The following GRIN2B variants were observed in gnomAD, a reference collection of about 807,000 sequenced individuals.
GRIN2B encodes glutamate ionotropic receptor NMDA type subunit 2B.
Under a neutral mutation model 114.5 loss-of-function variants are expected in GRIN2B, and 5 were observed. The ratio of observed to expected loss-of-function variants is 0.04; its 90% CI spans 0.02 to 0.09. The LOEUF is 0.09. GRIN2B is among the 10% of genes least tolerant of loss of function. GRIN2B has a pLI of 1.00. For missense variants in GRIN2B, 1,108 were observed against 1,943.5 expected (o/e 0.57, Z 8.08); for synonymous variants, 787 against 745.1 (o/e 1.06, Z -0.92).
At chr12:13,674,449 T>G (rs1384763746) in intron 5 of GRIN2B, among the ~76,000 whole-genome samples, 1 of 151,986 alleles carries the variant, frequency 6.6e-6, no homozygotes, top group Admixed American at 6.6e-5. Flanking sequence ...TAGATTGAGG[T>G]CTTTCAACTT....
intron 3 of GRIN2B, among the ~76,000 whole-genome samples, chr12:13,841,958 C>A (rs891339463): frequency 2.0e-5 from 3 of 152,084 alleles, no homozygotes; most frequent in Non-Finnish European, 4.4e-5. Flanking sequence ...GCCACCACTG[C>A]CACTATCATT....
intron 3 of GRIN2B, among the ~76,000 whole-genome samples, chr12:13,816,060 A>C (rs535544443): frequency 1.3e-5 from 2 of 152,302 alleles, no homozygotes; most frequent in East Asian, 3.9e-4. Flanking sequence ...GCAGAGTGAA[A>C]AAGAATTTAC....
At chr12:13,624,292 GTCAC>G (rs778290966) in intron 5 of GRIN2B, among the ~76,000 whole-genome samples, 196 of 152,190 alleles carry the variant, frequency 1.3e-3, no homozygotes, top group Non-Finnish European at 2.2e-3. Context: ...ATTGACTGAT[GTCAC>G]TGCACACCCT....
In GRIN2B at chr12:13,606,633, C is replaced by A. The variant is rs924338898; in HGVS notation, c.2010+1970G>T. Among the ~76,000 whole-genome samples the A allele has an allele frequency of 2.0e-4, 30 of 152,154 alleles. 1 individual carries two copies. The highest frequency in any genetic ancestry group is 1.3e-4 in the Admixed American group (2 of 15,284). ...TGGTCCACCTTACCCTAAGCCACAA[C>A]CAAGTATTGAGCTCTGAGGTTGTTC... On this transcript the variant is annotated intron_variant, in intron 10 of 13. Transcript: ENST00000609686.
intron 12 of GRIN2B, among the ~76,000 whole-genome samples, chr12:13,569,015 C>A (rs1591610290): frequency 1.3e-5 from 2 of 152,302 alleles, no homozygotes; most frequent in East Asian, 3.9e-4. Flanking sequence ...TCCGCCCTAC[C>A]TCTGGGCACA....
At chr12:13,895,754 T>C (rs145894484) in intron 2 of GRIN2B, among the ~76,000 whole-genome samples, 2 of 152,328 alleles carry the variant, frequency 1.3e-5, no homozygotes, top group Admixed American at 1.3e-4. Flanking sequence ...TTAAGCTTAT[T>C]ATCTAGGACT....
rs561799748 is a variant in GRIN2B, at chr12:13,796,047, G to A, written c.412-42132C>T. On this transcript the variant is annotated intron_variant, in intron 3 of 13. Coordinates refer to ENST00000609686, the MANE Select transcript of GRIN2B (RefSeq NM_000834.5). ...ATATACATATGTAACAAACCTGCAC[G>A]TTGTACACATGTACCCTAGAACTTA... Among the ~76,000 whole-genome samples, 255 of 145,570 alleles carry A rather than the reference G, an allele frequency of 1.8e-3. 1 individual carries two copies. The highest frequency in any genetic ancestry group is 6.2e-3 in the African/African-American group (243 of 39,158).
At chr12:13,712,295 A>G (rs1158079618) in intron 4 of GRIN2B, among the ~76,000 whole-genome samples, 11 of 151,974 alleles carry the variant, frequency 7.2e-5, no homozygotes, top group Non-Finnish European at 1.2e-4. Context: ...TGAGTTAATG[A>G]GTGCGGCACA....
At chr12:13,881,436 A>G (rs1866071810) in intron 2 of GRIN2B, among the ~76,000 whole-genome samples, 1 of 152,070 alleles carries the variant, frequency 6.6e-6, no homozygotes. Context: ...ACCAGGATAT[A>G]ACCATGACCC....
At chr12:13,581,478 C>T (rs988210641) in intron 10 of GRIN2B, among the ~76,000 whole-genome samples, 3 of 137,166 alleles carry the variant, frequency 2.2e-5, no homozygotes, top group Non-Finnish European at 3.3e-5. Flanking sequence ...AATCCCTTGT[C>T]GGGCCCAGTG....
chr12:13,752,098 A>G (rs960031740), intron 4 of GRIN2B, among the ~76,000 whole-genome samples: 9 of 152,166 alleles, frequency 5.9e-5, no homozygotes, highest in Non-Finnish European at 4.4e-5. Context: ...TTGAAGCTGT[A>G]CTCTACAGAC....
chr12:13,635,065 C>T (rs532030230), intron 5 of GRIN2B, among the ~76,000 whole-genome samples: 10 of 152,322 alleles, frequency 6.6e-5, no homozygotes, highest in African/African-American at 2.4e-4. Flanking sequence ...AAATCACTTT[C>T]GTGCTGGCAC....
At chr12:13,976,112 C>T (rs551951307) in intron 2 of GRIN2B, among the ~76,000 whole-genome samples, 158 of 152,360 alleles carry the variant, frequency 1.0e-3, no homozygotes, top group Non-Finnish European at 1.7e-3. Context: ...CAAAAACCCA[C>T]CTTCTCTGAG....
intron 3 of GRIN2B, among the ~76,000 whole-genome samples, chr12:13,765,288 C>T (rs146306492): frequency 2.0e-5 from 3 of 152,306 alleles, no homozygotes; most frequent in Admixed American, 1.3e-4. Flanking sequence ...ACAACTAAAC[C>T]GGTTTTGTAG....
At chr12:13,574,138 A>G (rs985927770) in intron 10 of GRIN2B, among the ~76,000 whole-genome samples, 1 of 152,216 alleles carries the variant, frequency 6.6e-6, no homozygotes, top group Admixed American at 6.5e-5. Context: ...TTTGCTCCAC[A>G]TCACACAGTG....
chr12:13,732,511 T>C (rs939841649), intron 4 of GRIN2B, among the ~76,000 whole-genome samples: 1 of 152,232 alleles, frequency 6.6e-6, no homozygotes, highest in Admixed American at 6.5e-5. Flanking sequence ...CTCCAAGATG[T>C]ATCAAGGCTG....
chr12:13,874,466 T>G (rs1168359853), intron 2 of GRIN2B, among the ~76,000 whole-genome samples: 6 of 152,214 alleles, frequency 3.9e-5, no homozygotes, highest in Non-Finnish European at 8.8e-5. Flanking sequence ...CAGCAAACAC[T>G]CACGGGTTTT....
At chr12:13,797,435 A>C (rs1336767641) in intron 3 of GRIN2B, among the ~76,000 whole-genome samples, 1 of 152,204 alleles carries the variant, frequency 6.6e-6, no homozygotes, top group African/African-American at 2.4e-5. Context: ...ATGATAATGG[A>C]AAGTAGAGAA....
rs994912887 is a variant in GRIN2B at position 13,556,928 on chromosome 12, T to G, written c.*5855A>C. The G allele has an allele frequency of 6.6e-6, 1 of 152,216 alleles. No homozygotes were observed. Among genetic ancestry groups the G allele is most frequent in the Non-Finnish European group, 1.5e-5 (1 of 68,022 alleles). 9.4% of individuals were successfully genotyped at this position (152,216 alleles called of 1,614,324 possible). Reference sequence around the variant, plus strand: ...GTACTGCTATTCTAACCCATTACTCTGAACAAAATTCTTTTTTCTTGCTTC... The same window carrying G: ...GTACTGCTATTCTAACCCATTACTCGGAACAAAATTCTTTTTTCTTGCTTC... On this transcript the variant is annotated 3_prime_UTR_variant, in exon 14 of 14. Coordinates refer to ENST00000609686, the MANE Select transcript of GRIN2B (RefSeq NM_000834.5).
Sources: gnomAD v4.1 joint callset for allele counts (sites outside exome capture counted in the v4.1 genomes callset) on GRCh38, gnomAD v4.1.1 for gene constraint, MANE v1.5 for transcripts, NCBI Gene and HGNC (gene_info 2026-07-23, HGNC 2026-07-21) for gene names.